The following CREB3L2 variants were observed in gnomAD, a reference collection of about 807,000 sequenced individuals.
CREB3L2 encodes cAMP responsive element binding protein 3 like 2.
A neutral mutation model predicts 57.2 loss-of-function variants in CREB3L2; 23 were observed. The observed-to-expected ratio is 0.40, with a 90% CI of 0.29 to 0.57. The LOEUF (loss-of-function observed/expected upper bound fraction) is 0.57. Ranked by LOEUF, CREB3L2 falls within the 20% of genes least tolerant of loss-of-function variation. CREB3L2 has a pLI of 0.42. For synonymous variants in CREB3L2, 268 were observed against 265.1 expected (o/e 1.01, Z -0.11); for missense variants, 628 against 634.7 (o/e 0.99, Z 0.11).
At chr7:137,983,639 G>A (rs1013634583) in intron 1 of CREB3L2, among the ~76,000 whole-genome samples, 1 of 152,160 alleles carries the variant, frequency 6.6e-6, no homozygotes, top group African/African-American at 2.4e-5. Context: ...ATAAATCCCT[G>A]GTCAAAGTCA....
intron 1 of CREB3L2, among the ~76,000 whole-genome samples, chr7:137,963,835 G>T (rs1801363797): frequency 6.6e-6 from 1 of 150,704 alleles, no homozygotes; most frequent in African/African-American, 2.4e-5. Flanking sequence ...TTATTTTGGT[G>T]TTTTTTTTTA....
intron 1 of CREB3L2, among the ~76,000 whole-genome samples, chr7:137,975,044 C>T (rs1801582391): frequency 6.6e-6 from 1 of 152,160 alleles, no homozygotes; most frequent in Admixed American, 6.5e-5. Flanking sequence ...CCTTGAAATA[C>T]TCAGACCTTT....
intron 1 of CREB3L2, among the ~76,000 whole-genome samples, chr7:137,985,614 T>C (rs1801779954): frequency 6.6e-6 from 1 of 152,094 alleles, no homozygotes; most frequent in East Asian, 1.9e-4. Flanking sequence ...GAAAAAATAA[T>C]GTAAGTGACC....
At chr7:137,988,257 C>T (rs1163980160) in intron 1 of CREB3L2, among the ~76,000 whole-genome samples, 1 of 152,252 alleles carries the variant, frequency 6.6e-6, no homozygotes, top group Non-Finnish European at 1.5e-5. Context: ...CAGAATCCAG[C>T]CACGGCACGT....
At chr7:137,915,780 A>G in intron 3 of CREB3L2, 57 bp downstream of exon 3, 1 of 1,465,336 alleles carries the variant, frequency 6.8e-7, no homozygotes, top group East Asian at 2.3e-5. Flanking sequence ...TTGGAGAATG[A>G]GGATCTATCT....
rs991291027 is a variant in CREB3L2, at chr7:137,921,852, C to A, written c.320-5840G>T. ...TTCTTTTCTTGCTCTGTCACTGCAGCCTTGACCTCCCAGGCCCAAGCGATC... is the reference window on the plus strand; with the variant it reads ...TTCTTTTCTTGCTCTGTCACTGCAGACTTGACCTCCCAGGCCCAAGCGATC... On this transcript the variant is annotated intron_variant, in intron 2 of 11. Transcript: ENST00000330387. Among the ~76,000 whole-genome samples, 11 of 152,268 alleles carry A rather than the reference C, an allele frequency of 7.2e-5. 1 individual carries two copies. Among genetic ancestry groups the A allele is most frequent in the African/African-American group, 2.6e-4 (11 of 41,564 alleles).
intron 4 of CREB3L2, among the ~76,000 whole-genome samples, chr7:137,911,194 C>A (rs935988626): frequency 1.3e-5 from 2 of 152,194 alleles, no homozygotes; most frequent in Non-Finnish European, 2.9e-5. Flanking sequence ...TCACTCAGTG[C>A]AAAGACATAG....
intron 4 of CREB3L2, among the ~76,000 whole-genome samples, chr7:137,909,834 G>C (rs1270776233): frequency 6.6e-6 from 1 of 152,166 alleles, no homozygotes; most frequent in Non-Finnish European, 1.5e-5. Flanking sequence ...TGTGGTGGGA[G>C]GGACCCAGCG....
At chr7:137,922,881 A>T (rs1388033500) in intron 2 of CREB3L2, 1 of 190,742 alleles carries the variant, frequency 5.2e-6, no homozygotes, top group East Asian at 1.4e-4. Context: ...ATCTTGAACA[A>T]TTTTTTTATG....
intron 8 of CREB3L2, among the ~76,000 whole-genome samples, chr7:137,885,926 G>A (rs1348313633): frequency 5.3e-5 from 8 of 152,188 alleles, no homozygotes; most frequent in African/African-American, 1.9e-4. Context: ...AGCACCTTTG[G>A]GAGATGATTA....
At chr7:137,918,124 G>T (rs2117223078) in intron 2 of CREB3L2, among the ~76,000 whole-genome samples, 1 of 152,322 alleles carries the variant, frequency 6.6e-6, no homozygotes, top group East Asian at 1.9e-4. Flanking sequence ...GACAGTTAGG[G>T]AAGGGCTGGA....
intron 3 of CREB3L2, among the ~76,000 whole-genome samples, chr7:137,915,537 T>C (rs1260188975): frequency 6.6e-6 from 1 of 152,052 alleles, no homozygotes; most frequent in Non-Finnish European, 1.5e-5. Flanking sequence ...ATCAGTGCCA[T>C]AGAGAAATTT....
chr7:137,883,430 C>T (rs1330069866), intron 10 of CREB3L2, among the ~76,000 whole-genome samples: 1 of 152,102 alleles, frequency 6.6e-6, no homozygotes, highest in African/African-American at 2.4e-5. Context: ...TAGAACTGAA[C>T]CCTATATATA....
At chr7:137,884,046 C>A (rs1424356499) in intron 10 of CREB3L2, among the ~76,000 whole-genome samples, 1 of 152,170 alleles carries the variant, frequency 6.6e-6, no homozygotes, top group Non-Finnish European at 1.5e-5. Flanking sequence ...TGCTCTGCCG[C>A]CCAGGCTGGG....
rs1019241708 is a variant in CREB3L2, at chr7:137,980,204, G to A, written c.102+21400C>T. On this transcript the variant is annotated intron_variant, in intron 1 of 11. Transcript: ENST00000330387. This position sits in a 1 kb window ranked among gnomAD's most constrained non-coding sequence, Gnocchi z 4.3. The stretch of plus-strand genomic sequence containing the variant: ...ACTCCAAGCCAGTAGTTCTCACCTC[G>A]GTTTCACTTTGGAAGCACTGGGAGA... Among the ~76,000 whole-genome samples, 1 of 152,140 alleles carries A rather than the reference G, an allele frequency of 6.6e-6. No individual in the cohort carries two copies. Among genetic ancestry groups the A allele is most frequent in the Non-Finnish European group, 1.5e-5 (1 of 68,032 alleles).
rs529748790 is a variant in CREB3L2, at chr7:137,930,140, G to A, written c.103-1774C>T. Among the ~76,000 whole-genome samples, 15 of 151,978 alleles carry A rather than the reference G, an allele frequency of 9.9e-5. No individual in the cohort carries two copies. In the South Asian group the frequency reaches 2.3e-3, roughly 23 times the overall value. On this transcript the variant is annotated intron_variant, in intron 1 of 11. Transcript: ENST00000330387. The stretch of plus-strand genomic sequence containing the variant: ...TCTCAATCTCCTGACCTCGTGATCC[G>A]CCCGTCTTGGCCTCCCAAAGTGCTG...
chr7:137,879,167 A>T lies in CREB3L2; in HGVS notation c.*1309T>A. On this transcript the variant is annotated 3_prime_UTR_variant, in exon 12 of 12. Coordinates refer to ENST00000330387, the MANE Select transcript of CREB3L2 (RefSeq NM_194071.4). ...TAAACTACAAAAGTTACTTTTAACC[A>T]TAAAAAAAAAACAAAAAAACTAAAA... 2.0e-6 allele frequency: 1 copy of T among 506,892 alleles called. No individual in the cohort carries two copies. The highest frequency in any genetic ancestry group is 3.7e-6 in the Non-Finnish European group (1 of 270,104). The allele number at this position is 506,892 out of a possible 1,614,324, so 31.4% of individuals were successfully genotyped here. A position where few individuals can be genotyped will look rare whatever the true frequency, so the allele number is the denominator to read the frequency against.
In CREB3L2 at chr7:137,955,357, G is replaced by A. The variant is rs894384158; in HGVS notation, c.103-26991C>T. 8 of 1,268,784 alleles carry A rather than the reference G, an allele frequency of 6.3e-6. No homozygotes were observed. The East Asian group carries it at 3.3e-4, about 53-fold the overall frequency. 78.6% of individuals were successfully genotyped at this position (1,268,784 alleles called of 1,614,324 possible). On this transcript the variant is annotated intron_variant, in intron 1 of 11. Transcript: ENST00000330387. ...GTTTGGTAAGCACCACAGGATGGGGGAGGGCGAAGATGGCAGTCTTATGAT... is the reference window on the plus strand; with the variant it reads ...GTTTGGTAAGCACCACAGGATGGGGAAGGGCGAAGATGGCAGTCTTATGAT...
intron 1 of CREB3L2, among the ~76,000 whole-genome samples, chr7:137,979,003 C>G (rs542297863): frequency 2.6e-5 from 4 of 152,214 alleles, no homozygotes; most frequent in Non-Finnish European, 5.9e-5. Flanking sequence ...GGACAAAACT[C>G]AAGACTCACA....
Sources: allele counts gnomAD v4.1 joint callset (sites outside exome capture counted in the v4.1 genomes callset), GRCh38; gene constraint gnomAD v4.1.1; non-coding constraint Gnocchi (gnomAD v3.1); transcripts MANE v1.5; gene names NCBI Gene and HGNC (gene_info 2026-07-23, HGNC 2026-07-21).